Variants in MYH8 observed in about 807,000 individuals in gnomAD.
MYH8 encodes the protein myosin-8.
MYH8 carries 168 observed loss-of-function variants against 233.2 expected under a neutral mutation model. The observed-to-expected ratio is 0.72, with a 90% CI of 0.64 to 0.82. MYH8 has a LOEUF of 0.82. MYH8 is among the 40% of genes least tolerant of loss of function. MYH8 has a pLI of 0.00. For synonymous variants in MYH8, 785 were observed against 850.6 expected, an observed-to-expected ratio of 0.92 and a Z score of 1.34; for missense variants, 1,995 against 2,327.8, an observed-to-expected ratio of 0.86 and a Z score of 2.94.
intron 15 of MYH8, among the ~76,000 whole-genome samples, chr17:10,410,406 CAT>C (rs1160753141): frequency 6.6e-6 from 1 of 152,218 alleles, no homozygotes; most frequent in Non-Finnish European, 1.5e-5. Context: ...CTAACTGTGT[CAT>C]GTGTGCATTA....
At chr17:10,402,631 GCA>G (rs147224739) in intron 22 of MYH8, among the ~76,000 whole-genome samples, 10 of 149,638 alleles carry the variant, frequency 6.7e-5, no homozygotes, top group Middle Eastern at 3.5e-3. Context: ...ACATGTGCAC[GCA>G]CACACACACA....
Position 10,410,937 on chromosome 17 carries a change from A to G in MYH8, c.1427T>C (p.Leu476Pro). ...AGFEIFDFNS[L>P]EQLCINFTNE... The stretch of plus-strand genomic sequence containing the variant: ...GGTGAAGTTGATGCACAGCTGCTCC[A>G]GGCTGTTAAACTACACAAAATAATA... The change falls in exon 15 of 40, where the codon CTG (leucine) becomes CCG (proline). Residue 476 changes from leucine to proline, a missense_variant. Coordinates refer to ENST00000403437, the MANE Select transcript of MYH8 (RefSeq NM_002472.3). 6.2e-7 allele frequency: 1 copy of G among 1,614,158 alleles called. No individual in the cohort carries two copies. The highest frequency in any genetic ancestry group is 1.1e-5 in the South Asian group (1 of 91,076).
intron 5 of MYH8, among the ~76,000 whole-genome samples, chr17:10,418,419 T>C (rs1344743874): frequency 6.6e-6 from 1 of 152,226 alleles, no homozygotes; most frequent in African/African-American, 2.4e-5. Flanking sequence ...CTGTGTTAGC[T>C]TGGGAAGGAC....
rs1184507522 is a variant in MYH8 at position 10,417,993 on chromosome 17, A to G, written c.511+652T>C. Among the ~76,000 whole-genome samples, 1 of 152,244 alleles carries G rather than the reference A, an allele frequency of 6.6e-6. No individual in the cohort carries two copies. Among genetic ancestry groups the G allele is most frequent in the Admixed American group, 6.5e-5 (1 of 15,286 alleles). On this transcript the variant is annotated intron_variant, in intron 5 of 39. Transcript: ENST00000403437. The surrounding 1 kb of genome is among the most constrained non-coding windows in gnomAD (Gnocchi z 4.1). ...TGGTGTGTGAAGATAAAAGGTTTTA[A>G]TGCTGTATTTGGGCCTATAATGCGT...
chr17:10,398,984 A>T, intron 28 of MYH8, 98 bp from the exon 29 acceptor site: 1 of 502,608 alleles, frequency 2.0e-6, no homozygotes. Context: ...ATATGTATAT[A>T]TGTGTGTGTG....
rs562027482 is a variant in MYH8, at chr17:10,392,586, C to T, written c.5524G>A (p.Gly1842Ser). ...EQKRNAEAVK[G>S]LRKHERRVKE... The stretch of plus-strand genomic sequence containing the variant: ...ACTCGTCGCTCATGTTTCCGTAAAC[C>T]TTTAACAGCCTCTGCATTACGTTTC... Residue 1842 changes from glycine to serine, a missense_variant, in exon 38 of 40, where the codon GGT becomes AGT. Physicochemically the swap from Gly to Ser is moderately conservative, Grantham distance 56. Around this residue, in one of 3 missense-constraint regions of MYH8, gnomAD observed 1,498 missense variants for 1,680.9 expected, o/e 0.89. Coordinates refer to ENST00000403437, the MANE Select transcript of MYH8 (RefSeq NM_002472.3). 3 of 1,614,028 alleles carry T rather than the reference C, an allele frequency of 1.9e-6. No homozygotes were observed. The African/African-American group carries it at 4.0e-5, about 22-fold the overall frequency.
Position 10,414,261 on chromosome 17 carries a change from A to T in MYH8, c.939T>A (p.Tyr313Ter), listed in dbSNP as rs201581304. The T allele has an allele frequency of 6.2e-7, 1 of 1,614,216 alleles. No homozygotes were observed. The highest frequency in any genetic ancestry group is 2.2e-5 in the East Asian group (1 of 44,890). ...MLLITTNPYD[Y>*]AFVSQGEITV... ...TGATCTCCCCCTGACTGACGAAGGCATAGTCATATGGGTTGGTGGTGATCA... is the reference window on the plus strand; with the variant it reads ...TGATCTCCCCCTGACTGACGAAGGCTTAGTCATATGGGTTGGTGGTGATCA... The change falls in exon 11 of 40, where the codon TAT becomes TAA. Residue 313 changes from tyrosine (Y) to a stop codon, truncating the protein, a stop_gained. Coordinates refer to ENST00000403437, the MANE Select transcript of MYH8 (RefSeq NM_002472.3). LOFTEE classifies it high-confidence loss of function.
intron 30 of MYH8, among the ~76,000 whole-genome samples, chr17:10,397,239 G>A (rs1300069544): frequency 2.0e-5 from 3 of 152,084 alleles, no homozygotes. Flanking sequence ...ACCATGCCCA[G>A]CTAATTTTTG....
At chr17:10,401,841 G>C (rs2142176277) in intron 22 of MYH8, 56 bp from the exon 23 acceptor site, 1 of 1,608,148 alleles carries the variant, frequency 6.2e-7, no homozygotes, top group East Asian at 2.2e-5. Context: ...GAAACTTGGT[G>C]TTTTTTTTGC....
intron 14 of MYH8, 27 bp from the exon 15 acceptor site, chr17:10,410,974 C>T: frequency 6.2e-7 from 1 of 1,614,028 alleles, no homozygotes; most frequent in East Asian, 2.2e-5. Context: ...AGATTTCCAA[C>T]ATCAAATGAG....
intron 22 of MYH8, among the ~76,000 whole-genome samples, chr17:10,403,601 A>G (rs2072161408): frequency 1.3e-5 from 2 of 152,202 alleles, no homozygotes; most frequent in African/African-American, 4.8e-5. Context: ...CTTTTGGAAA[A>G]ATGTAACCTT....
intron 17 of MYH8, among the ~76,000 whole-genome samples, chr17:10,408,796 C>A (rs559228166): frequency 1.7e-4 from 26 of 152,280 alleles, no homozygotes; most frequent in African/African-American, 5.8e-4. Context: ...AAGAATATGA[C>A]CTTCCACAGG....
At position 10,401,314 on chromosome 17, in the gene MYH8, C is replaced by T; in HGVS notation, c.3069G>A (p.Leu1023=). 6.2e-7 allele frequency: 1 copy of T among 1,614,156 alleles called. No individual in the cohort carries two copies. The highest frequency in any genetic ancestry group is 1.1e-5 in the South Asian group (1 of 91,086). Residue 1023 remains leucine (L), a synonymous_variant, in exon 24 of 40, where the codon CTG becomes CTA. Transcript: ENST00000403437. ...LQAEEDKVNI[L]TKAKTKLEQQ... Reference sequence around the variant, plus strand: ...GTTCTAGCTTGGTTTTAGCTTTGGTCAGGATGTTGACTTTGTCCTCCTCTG... The same window carrying T: ...GTTCTAGCTTGGTTTTAGCTTTGGTTAGGATGTTGACTTTGTCCTCCTCTG...
chr17:10,390,605 TAA>T lies in MYH8; in HGVS notation c.5665-4_5665-3del. 1 of 1,613,954 alleles carries T rather than the reference TAA, an allele frequency of 6.2e-7. No individual in the cohort carries two copies. The highest frequency in any genetic ancestry group is 8.5e-7 in the Non-Finnish European group (1 of 1,179,764). ...TAGATTAGCATTGGATTGTTCCTCC[TAA>T]GAATAGAGATAAAATTGTGAGAATT... is the stretch of plus-strand genomic sequence containing the variant. On this transcript the variant is annotated splice_polypyrimidine_tract_variant and splice_region_variant and intron_variant, in intron 39 of 39. Coordinates refer to ENST00000403437, the MANE Select transcript of MYH8 (RefSeq NM_002472.3).
chr17:10,394,421 C>G lies in MYH8; in HGVS notation c.4994G>C (p.Arg1665Pro). The G allele has an allele frequency of 6.2e-7, 1 of 1,614,080 alleles. No homozygotes were observed. The highest frequency in any genetic ancestry group is 1.3e-5 in the African/African-American group (1 of 75,008). Reference protein sequence around the residue: ...ETQLHLDDALRGQEDLKEQLA... With the variant: ...ETQLHLDDALPGQEDLKEQLA... ...CTGTTCCTTGAGGTCCTCCTGGCCC[C>G]GGAGAGCATCATCCAGGTGGAGCTG... The change falls in exon 35 of 40, where the codon CGG becomes CCG. Residue 1665 changes from arginine to proline, a missense_variant. Transcript: ENST00000403437.
chr17:10,403,296 T>A (rs2072159345), intron 22 of MYH8, among the ~76,000 whole-genome samples: 1 of 152,104 alleles, frequency 6.6e-6, no homozygotes, highest in Non-Finnish European at 1.5e-5. Context: ...CTCAATAAAG[T>A]TTTTATAAGT....
Position 10,392,575 on chromosome 17 carries a change from T to C in MYH8, c.5535A>G (p.Lys1845=). The change falls in exon 38 of 40, where the codon AAA becomes AAG. Residue 1845 remains lysine (K), a synonymous_variant. Coordinates refer to ENST00000403437, the MANE Select transcript of MYH8 (RefSeq NM_002472.3). The part of the protein sequence containing the change: ...RNAEAVKGLR[K]HERRVKELTY... ...TGAGTTCTTTTACTCGTCGCTCATG[T>C]TTCCGTAAACCTTTAACAGCCTCTG... 1 of 1,614,232 alleles carries C rather than the reference T, an allele frequency of 6.2e-7. No homozygotes were observed. Among genetic ancestry groups the C allele is most frequent in the Non-Finnish European group, 8.5e-7 (1 of 1,180,030 alleles).
Position 10,400,521 on chromosome 17 carries a change from T to C in MYH8, c.3604A>G (p.Ser1202Gly). The change falls in exon 27 of 40, where the codon AGT becomes GGT. Residue 1202 changes from serine to glycine, a missense_variant. By Grantham distance (56) the Ser-to-Gly change is moderately conservative (BLOSUM62 0). This residue lies in a region of MYH8 where 1,498 missense variants were observed against 1,680.9 expected (regional missense o/e 0.89). Coordinates refer to ENST00000403437, the MANE Select transcript of MYH8 (RefSeq NM_002472.3). The surrounding 1 kb of genome is among the most constrained non-coding windows in gnomAD (Gnocchi z 4.0). ...VAALRKKHADSMAELGEQIDN... is the reference protein window; with the variant it reads ...VAALRKKHADGMAELGEQIDN... ...ATCTGCTCCCCAAGCTCAGCCATAC[T>C]GTCTGCGTGCTTCTTCCGAAGAGCA... 3.7e-6 allele frequency: 6 copies of C among 1,614,256 alleles called. No individual in the cohort carries two copies. Among genetic ancestry groups the C allele is most frequent in the Non-Finnish European group, 5.1e-6 (6 of 1,180,048 alleles).
At position 10,409,406 on chromosome 17, in the gene MYH8, G is replaced by A. The variant is rs1555557227; in HGVS notation, c.1770C>T (p.Asp590=). The part of the protein sequence containing the change: ...FSLIHYAGTV[D]YNITGWLDKN... Reference sequence around the variant, plus strand: ...TGTCCAGCCAGCCAGTAATGTTGTAGTCCACAGTGCCAGCATAGTGAATCA... The same window carrying A: ...TGTCCAGCCAGCCAGTAATGTTGTAATCCACAGTGCCAGCATAGTGAATCA... The change falls in exon 16 of 40, where the codon GAC becomes GAT. Residue 590 remains aspartate (D), a synonymous_variant. Coordinates refer to ENST00000403437, the MANE Select transcript of MYH8 (RefSeq NM_002472.3). The A allele has an allele frequency of 1.2e-6, 2 of 1,614,104 alleles. No individual in the cohort carries two copies. Among genetic ancestry groups the A allele is most frequent in the Admixed American group, 3.3e-5 (2 of 60,002 alleles).
Sources: allele counts gnomAD v4.1 joint callset (sites outside exome capture counted in the v4.1 genomes callset), GRCh38; gene constraint gnomAD v4.1.1; regional missense constraint gnomAD v4.1.1; non-coding constraint Gnocchi (gnomAD v3.1); transcripts MANE v1.5; gene names NCBI Gene and HGNC (gene_info 2026-07-23, HGNC 2026-07-21).